MYO5C: variants seen among roughly 807,000 people sequenced by gnomAD.
MYO5C encodes the protein unconventional myosin-Vc.
MYO5C carries 194 observed loss-of-function variants against 235.7 expected under a neutral mutation model. The observed-to-expected ratio is 0.82, with a 90% CI of 0.73 to 0.93. The LOEUF is 0.93. MYO5C is among the 40% of genes least tolerant of loss of function. The probability of loss-of-function intolerance (pLI) is 0.00; values close to 1 mark genes in which losing one functional copy is unlikely to be tolerated. For synonymous variants in MYO5C, 707 were observed against 754.8 expected (o/e 0.94, Z 1.04); for missense variants, 2,038 against 2,127.2 (o/e 0.96, Z 0.82).
In MYO5C at chr15:52,242,190, A is replaced by G; in HGVS notation, c.2414T>C (p.Leu805Ser). The G allele has an allele frequency of 6.2e-7, 1 of 1,613,610 alleles. No homozygotes were observed. The highest frequency in any genetic ancestry group is 8.5e-7 in the Non-Finnish European group (1 of 1,179,654). ...GATTATGGCTGCCCAAGCTTCTTTT[A>G]AGGCCACTGCAGTAATAGCTTTCCT... ...TVRKAITAVA[L>S]KEAWAAIIIQ... The change falls in exon 20 of 41, where the codon TTA becomes TCA. Residue 805 changes from leucine to serine, a missense_variant. Physicochemically the swap from Leu to Ser is moderately radical, Grantham distance 145. Transcript: ENST00000261839.
intron 25 of MYO5C, among the ~76,000 whole-genome samples, chr15:52,227,822 C>T (rs1195955616): frequency 2.0e-5 from 3 of 152,210 alleles, no homozygotes; most frequent in Admixed American, 1.3e-4. Flanking sequence ...CACCCGGATG[C>T]AATTCCAAAA....
rs569465760 is a variant in MYO5C at position 52,240,949 on chromosome 15, G to C, written c.2557-1070C>G. Among the ~76,000 whole-genome samples, 5 of 152,204 alleles carry C rather than the reference G, an allele frequency of 3.3e-5. No homozygotes were observed. In the East Asian group the frequency reaches 9.6e-4, roughly 29 times the overall value. On this transcript the variant is annotated intron_variant, in intron 20 of 40. Coordinates refer to ENST00000261839, the MANE Select transcript of MYO5C (RefSeq NM_018728.4). Reference sequence around the variant, plus strand: ...CCCATCCACTCACAGGATGGATCAGGCACCCCTTATGTTGAAGTGAACACT... The same window carrying C: ...CCCATCCACTCACAGGATGGATCAGCCACCCCTTATGTTGAAGTGAACACT...
At chr15:52,249,071 G>A (rs1471710667) in intron 13 of MYO5C, among the ~76,000 whole-genome samples, 1 of 152,224 alleles carries the variant, frequency 6.6e-6, no homozygotes, top group African/African-American at 2.4e-5. Context: ...GGTATGTGCA[G>A]TTCCTACAAG....
At chr15:52,271,419 G>A (rs2036922961) in intron 7 of MYO5C, among the ~76,000 whole-genome samples, 2 of 152,100 alleles carry the variant, frequency 1.3e-5, no homozygotes, top group South Asian at 4.2e-4. Context: ...AGTAGAGACA[G>A]GGTTTTGCCA....
intron 8 of MYO5C, among the ~76,000 whole-genome samples, chr15:52,267,019 A>C (rs1432599665): frequency 2.0e-5 from 3 of 152,240 alleles, no homozygotes; most frequent in African/African-American, 4.8e-5. Flanking sequence ...GCACAGGCTA[A>C]GTGTCCAGGG....
chr15:52,246,621 A>G (rs184499751), intron 16 of MYO5C, among the ~76,000 whole-genome samples: 27 of 152,340 alleles, frequency 1.8e-4, no homozygotes, highest in Admixed American at 1.6e-3. Context: ...ACCTTCTATG[A>G]CCTTCTACAA....
rs775863790 is a variant in MYO5C at position 52,279,631 on chromosome 15, C to T, written c.182G>A (p.Arg61Gln). The change falls in exon 3 of 41, where the codon CGG becomes CAG. Residue 61 changes from arginine to glutamine, a missense_variant. Coordinates refer to ENST00000261839, the MANE Select transcript of MYO5C (RefSeq NM_018728.4). ...CTCGCCCACGAGGATGTCAGGATTC[C>T]GAAGTGGAGGCAGAGATTCTGGATT... ...SVNPESLPPL[R>Q]NPDILVGEND... 1.7e-5 allele frequency: 28 copies of T among 1,613,530 alleles called. No individual in the cohort carries two copies. Among genetic ancestry groups the T allele is most frequent in the East Asian group, 1.6e-4 (7 of 44,890 alleles).
Position 52,224,945 on chromosome 15 carries a change from A to G in MYO5C, c.3402T>C (p.Asp1134=). 3 of 1,614,008 alleles carry G rather than the reference A, an allele frequency of 1.9e-6. No individual in the cohort carries two copies. The highest frequency in any genetic ancestry group is 2.5e-6 in the Non-Finnish European group (3 of 1,179,974). The part of the protein sequence containing the change: ...SVEDLEHLNE[D]GELWFAYEGL... ...CTTCATAAGCAAACCAAAGTTCTCCATCCTCATTTAAATGTTCCAGATCTT... is the reference window on the plus strand; with the variant it reads ...CTTCATAAGCAAACCAAAGTTCTCCGTCCTCATTTAAATGTTCCAGATCTT... The change falls in exon 28 of 41, where the codon GAT becomes GAC. Residue 1134 remains aspartate (D), a synonymous_variant. Coordinates refer to ENST00000261839, the MANE Select transcript of MYO5C (RefSeq NM_018728.4).
Position 52,223,479 on chromosome 15 carries a change from A to G in MYO5C, c.3627+65T>C, listed in dbSNP as rs1251954761. The G allele has an allele frequency of 2.8e-6, 4 of 1,446,546 alleles. No homozygotes were observed. The Admixed American group carries it at 8.8e-5, about 32-fold the overall frequency. 89.6% of individuals were successfully genotyped at this position (1,446,546 alleles called of 1,614,324 possible). ...TTTTACTGCCAAGAAACTGAATTTG[A>G]CGCCACTGACAAAGAACAACTCTAG... On this transcript the variant is annotated intron_variant, in intron 29 of 40. Transcript: ENST00000261839.
At chr15:52,225,347 A>C in intron 26 of MYO5C, 92 bp downstream of exon 26, 1 of 1,215,398 alleles carries the variant, frequency 8.2e-7, no homozygotes, top group South Asian at 1.2e-5. Context: ...GTCCAACCAA[A>C]TTCATACCAA....
intron 29 of MYO5C, among the ~76,000 whole-genome samples, chr15:52,222,858 G>A (rs1482644985): frequency 6.6e-6 from 1 of 152,138 alleles, no homozygotes; most frequent in Non-Finnish European, 1.5e-5. Flanking sequence ...GGAAGAGGAA[G>A]CCCTTGAAAA....
intron 1 of MYO5C, among the ~76,000 whole-genome samples, chr15:52,289,998 C>T (rs1241341663): frequency 6.6e-6 from 1 of 152,196 alleles, no homozygotes; most frequent in African/African-American, 2.4e-5. Context: ...CAGCTCTGAA[C>T]AGTCTGGAGT....
intron 23 of MYO5C, among the ~76,000 whole-genome samples, chr15:52,234,913 C>T (rs1485025006): frequency 3.9e-5 from 6 of 152,176 alleles, no homozygotes; most frequent in Admixed American, 2.6e-4. Flanking sequence ...CTGCTGCCCC[C>T]ACGTTGGAGC....
intron 33 of MYO5C, 54 bp downstream of exon 33, chr15:52,214,549 G>T: frequency 1.6e-6 from 2 of 1,254,702 alleles, no homozygotes; most frequent in South Asian, 1.4e-5. Flanking sequence ...ATAAACACTT[G>T]AGCGCATGTT....
At position 52,204,866 on chromosome 15, in the gene MYO5C, T is replaced by C; in HGVS notation, c.4819A>G (p.Arg1607Gly). The change falls in exon 38 of 41, where the codon AGG becomes GGG. Residue 1607 changes from arginine (R) to glycine (G), a missense_variant and splice_region_variant. Transcript: ENST00000261839. ...MCSCRKGMQI[R>G]CNISYLEEWL... ...TGAGCGGAGGTTTCTGGGTTTTACC[T>C]GATCTGCATCCCTTTTCTGCAGGAG... The C allele has an allele frequency of 6.2e-7, 1 of 1,613,776 alleles. No individual in the cohort carries two copies. Among genetic ancestry groups the C allele is most frequent in the Non-Finnish European group, 8.5e-7 (1 of 1,179,856 alleles).
intron 23 of MYO5C, among the ~76,000 whole-genome samples, chr15:52,235,273 T>A (rs1844748506): frequency 6.6e-6 from 1 of 152,152 alleles, no homozygotes; most frequent in African/African-American, 2.4e-5. Flanking sequence ...TGACTGTACA[T>A]CAGGATTACC....
chr15:52,225,287 G>A (rs2035795578), intron 26 of MYO5C, 149 bp from the exon 27 acceptor site: 2 of 1,066,702 alleles, frequency 1.9e-6, no homozygotes, highest in Non-Finnish European at 2.8e-6. Context: ...AATCTTCCAG[G>A]TATTCAACCA....
In MYO5C at chr15:52,261,878, G is replaced by A. The variant is rs116231279; in HGVS notation, c.1048-751C>T. Among the ~76,000 whole-genome samples the A allele has an allele frequency of 1.0e-3, 156 of 152,228 alleles. 1 individual carries two copies. Among genetic ancestry groups the A allele is most frequent in the African/African-American group, 3.6e-3 (148 of 41,546 alleles). The stretch of plus-strand genomic sequence containing the variant: ...AACTCCCAAGGCAGGCTCCCCTGCC[G>A]GCACCATTCCAGCCCACCAGGAAAT... On this transcript the variant is annotated intron_variant, in intron 9 of 40. Coordinates refer to ENST00000261839, the MANE Select transcript of MYO5C (RefSeq NM_018728.4).
chr15:52,291,731 G>GGTT (rs2037391835), intron 1 of MYO5C, among the ~76,000 whole-genome samples: 1 of 52,562 alleles, frequency 1.9e-5, no homozygotes, highest in African/African-American at 8.3e-5. Flanking sequence ...CATATTTTAT[G>GGTT]TTTTTTTTTT....
Sources: allele counts gnomAD v4.1 joint callset (sites outside exome capture counted in the v4.1 genomes callset), GRCh38; gene constraint gnomAD v4.1.1; transcripts MANE v1.5; gene names NCBI Gene and HGNC (gene_info 2026-07-23, HGNC 2026-07-21).